SLC9A9: variants seen among roughly 807,000 people sequenced by gnomAD.
The protein encoded by SLC9A9 is sodium/hydrogen exchanger 9.
Under a neutral mutation model 77.8 loss-of-function variants are expected in SLC9A9, and 62 were observed. The observed-to-expected ratio is 0.80, with a 90% CI of 0.65 to 0.98. SLC9A9 has a LOEUF of 0.98. Ranked by LOEUF, SLC9A9 falls within the 50% of genes least tolerant of loss-of-function variation. The pLI is 0.00. For missense variants in SLC9A9, 775 were observed against 774.9 expected (o/e 1.00, Z 0.00); for synonymous variants, 320 against 283.5 (o/e 1.13, Z -1.29).
chr3:143,525,291 G>C (rs1241443464), intron 9 of SLC9A9, among the ~76,000 whole-genome samples: 4 of 152,166 alleles, frequency 2.6e-5, no homozygotes, highest in Admixed American at 6.5e-5. Flanking sequence ...ATTGTGAACA[G>C]TGAGGACAAA....
intron 14 of SLC9A9, among the ~76,000 whole-genome samples, chr3:143,299,731 C>T (rs956241793): frequency 2.6e-5 from 4 of 152,198 alleles, no homozygotes; most frequent in Non-Finnish European, 5.9e-5. Flanking sequence ...GCGTGAGCCA[C>T]CACGTCCTGC....
At chr3:143,419,560 C>A (rs910664707) in intron 12 of SLC9A9, among the ~76,000 whole-genome samples, 1 of 152,170 alleles carries the variant, frequency 6.6e-6, no homozygotes, top group Non-Finnish European at 1.5e-5. Context: ...CTCTTCCCCA[C>A]GTCACTAAGG....
chr3:143,363,812 G>A (rs2032823055), intron 13 of SLC9A9, among the ~76,000 whole-genome samples: 1 of 152,108 alleles, frequency 6.6e-6, no homozygotes, highest in South Asian at 2.1e-4. Context: ...AAATAGCTAA[G>A]AAATGCTATT....
At chr3:143,431,375 C>A (rs1036002700) in intron 12 of SLC9A9, among the ~76,000 whole-genome samples, 8 of 152,072 alleles carry the variant, frequency 5.3e-5, no homozygotes, top group Non-Finnish European at 1.5e-5. Context: ...CAGCCCCTAC[C>A]TTTGCCTCCC....
intron 6 of SLC9A9, among the ~76,000 whole-genome samples, chr3:143,617,157 A>C (rs893699827): frequency 4.6e-5 from 7 of 152,226 alleles, no homozygotes; most frequent in African/African-American, 1.7e-4. Context: ...AAAGGGATAG[A>C]ATCTATCATC....
intron 3 of SLC9A9, among the ~76,000 whole-genome samples, chr3:143,796,084 A>G (rs563033724): frequency 1.4e-4 from 22 of 152,304 alleles, no homozygotes; most frequent in South Asian, 1.0e-3. Context: ...TCACCTCTGC[A>G]TCTCAAAAAC....
At chr3:143,588,642 CAT>C (rs1204792580) in intron 6 of SLC9A9, among the ~76,000 whole-genome samples, 3 of 152,192 alleles carry the variant, frequency 2.0e-5, no homozygotes, top group African/African-American at 7.2e-5. Context: ...TAGCTTGAAA[CAT>C]GTTGTCAGAA....
chr3:143,290,962 G>C (rs2029927274), intron 14 of SLC9A9, among the ~76,000 whole-genome samples: 1 of 152,140 alleles, frequency 6.6e-6, no homozygotes, highest in South Asian at 2.1e-4. Context: ...TCTCTTCCCA[G>C]TGCCTAGCAA....
At chr3:143,609,152 C>T (rs918211758) in intron 6 of SLC9A9, among the ~76,000 whole-genome samples, 8 of 152,098 alleles carry the variant, frequency 5.3e-5, no homozygotes, top group Non-Finnish European at 1.2e-4. Context: ...GCAACCCTAG[C>T]AAATGACCTA....
At chr3:143,365,539 TTCCCAG>T (rs2032876067) in intron 13 of SLC9A9, among the ~76,000 whole-genome samples, 2 of 152,248 alleles carry the variant, frequency 1.3e-5, no homozygotes, top group African/African-American at 2.4e-5. Flanking sequence ...TTCATTCCCA[TTCCCAG>T]TCCCTACTGT....
chr3:143,574,004 C>T, intron 8 of SLC9A9, 84 bp downstream of exon 8: 1 of 1,194,394 alleles, frequency 8.4e-7, no homozygotes, highest in Non-Finnish European at 1.2e-6. Context: ...TTCATTTCAC[C>T]TCCTGCTAGG....
At chr3:143,308,413 A>G (rs1256842533) in intron 14 of SLC9A9, among the ~76,000 whole-genome samples, 1 of 151,974 alleles carries the variant, frequency 6.6e-6, no homozygotes. Context: ...CGTCTCTACT[A>G]AAAATACAAA....
At chr3:143,709,115 C>T (rs894242782) in intron 4 of SLC9A9, among the ~76,000 whole-genome samples, 21 of 152,066 alleles carry the variant, frequency 1.4e-4, no homozygotes, top group Admixed American at 3.3e-4. Context: ...CAGGCGTGGG[C>T]GGCAAAAGTT....
At chr3:143,511,718 C>A (rs1475743498) in intron 9 of SLC9A9, among the ~76,000 whole-genome samples, 1 of 152,178 alleles carries the variant, frequency 6.6e-6, no homozygotes, top group East Asian at 1.9e-4. Flanking sequence ...AAGCCCTCAG[C>A]CTCTCTGTGA....
Position 143,640,600 on chromosome 3 carries a change from A to T in SLC9A9, c.755+11655T>A, listed in dbSNP as rs570844625. On this transcript the variant is annotated intron_variant, in intron 6 of 15. Coordinates refer to ENST00000316549, the MANE Select transcript of SLC9A9 (RefSeq NM_173653.4). ...TTTAGGCCGGGCATGGTGGCTCACA[A>T]CTGTAATCCCAGCACTTTGGGAGGC... 7.9e-5 allele frequency among the ~76,000 whole-genome samples: 12 copies of T among 151,706 alleles called. No individual in the cohort carries two copies. The South Asian group carries it at 2.3e-3, about 29-fold the overall frequency.
intron 12 of SLC9A9, among the ~76,000 whole-genome samples, chr3:143,448,747 A>G (rs1328192145): frequency 6.7e-5 from 10 of 148,350 alleles, no homozygotes; most frequent in Admixed American, 3.5e-4. Context: ...AAATAATCAC[A>G]GTATCATTTA....
intron 4 of SLC9A9, among the ~76,000 whole-genome samples, chr3:143,707,391 C>A (rs1026223076): frequency 5.3e-5 from 8 of 151,936 alleles, no homozygotes; most frequent in Admixed American, 3.3e-4. Context: ...CACACACACA[C>A]ACACACACAC....
chr3:143,653,566 G>A (rs1269909731), intron 5 of SLC9A9, among the ~76,000 whole-genome samples: 1 of 152,064 alleles, frequency 6.6e-6, no homozygotes, highest in East Asian at 1.9e-4. Context: ...CAAGTTGAAT[G>A]TGAAGGTTTT....
rs147118780 is a variant in SLC9A9 at position 143,437,485 on chromosome 3, C to A, written c.1469+29552G>T. On this transcript the variant is annotated intron_variant, in intron 12 of 15. Coordinates refer to ENST00000316549, the MANE Select transcript of SLC9A9 (RefSeq NM_173653.4). ...ACCCAGGTCCCTCAGACTATTACTG[C>A]GTCCTGCTTCCTTTGAGGCACGATA... 3.9e-5 allele frequency among the ~76,000 whole-genome samples: 6 copies of A among 152,334 alleles called. No individual in the cohort carries two copies. The South Asian group carries it at 1.2e-3, about 32-fold the overall frequency.
Sources: allele counts gnomAD v4.1 joint callset (sites outside exome capture counted in the v4.1 genomes callset), GRCh38; gene constraint gnomAD v4.1.1; transcripts MANE v1.5; gene names NCBI Gene and HGNC (gene_info 2026-07-23, HGNC 2026-07-21).